The following PPM1H variants were observed in gnomAD, a reference collection of about 807,000 sequenced individuals.
PPM1H encodes the protein protein phosphatase 1H.
PPM1H carries 27 observed loss-of-function variants against 54.9 expected under a neutral mutation model. That is an observed-to-expected ratio of 0.49 (90% CI 0.36 to 0.68). The LOEUF is 0.68. Ranked by LOEUF, PPM1H falls within the 30% of genes least tolerant of loss-of-function variation. The pLI is 0.00. For synonymous variants in PPM1H, 305 were observed against 270.8 expected, an observed-to-expected ratio of 1.13 and a Z score of -1.24; for missense variants, 596 against 667.8, an observed-to-expected ratio of 0.89 and a Z score of 1.19.
rs1052482351 is a variant in PPM1H, at chr12:62,878,353, T to C, written c.246-46074A>G. On this transcript the variant is annotated intron_variant, in intron 1 of 9. Transcript: ENST00000228705. The stretch of plus-strand genomic sequence containing the variant: ...TGGCACACGATGGAGATGGAAAGAA[T>C]CTACCCAGGGCACTATCTGAGAAGA... Among the ~76,000 whole-genome samples the C allele has an allele frequency of 7.9e-5, 12 of 152,286 alleles. No homozygotes were observed. The East Asian group carries it at 2.3e-3, about 29-fold the overall frequency.
At chr12:62,792,501 C>A (rs537469801) in intron 3 of PPM1H, among the ~76,000 whole-genome samples, 1 of 152,216 alleles carries the variant, frequency 6.6e-6, no homozygotes, top group Non-Finnish European at 1.5e-5. Flanking sequence ...TTCCCTCCCC[C>A]ACATTTGTGT....
chr12:62,932,628 C>T (rs868593119), intron 1 of PPM1H, among the ~76,000 whole-genome samples: 296 of 53,998 alleles, frequency 5.5e-3, no homozygotes, highest in Middle Eastern at 0.036. Flanking sequence ...TCCAAATGGG[C>T]TTTTTTTTTT....
intron 2 of PPM1H, among the ~76,000 whole-genome samples, chr12:62,817,152 T>TAAAAAAAAAAAAAAAAAAAAAAAA (rs2076873724): frequency 7.9e-5 from 5 of 63,136 alleles, no homozygotes; most frequent in Admixed American, 1.8e-4. Flanking sequence ...AAAAAAAAAC[T>TAAAAAAAAAAAAAAAAAAAAAAAA]AAAAAAAAGA....
At chr12:62,654,700 C>G (rs186461315) in intron 9 of PPM1H, among the ~76,000 whole-genome samples, 1 of 152,206 alleles carries the variant, frequency 6.6e-6, no homozygotes, top group Non-Finnish European at 1.5e-5. Context: ...AACTGAGTTG[C>G]TGCAGACCTG....
At chr12:62,881,847 T>G (rs1357805144) in intron 1 of PPM1H, among the ~76,000 whole-genome samples, 1 of 152,114 alleles carries the variant, frequency 6.6e-6, no homozygotes, top group Non-Finnish European at 1.5e-5. Flanking sequence ...CCTACACTGG[T>G]CTCCCTGCCT....
At chr12:62,746,831 C>A (rs1438191482) in intron 4 of PPM1H, among the ~76,000 whole-genome samples, 1 of 152,218 alleles carries the variant, frequency 6.6e-6, no homozygotes, top group African/African-American at 2.4e-5. Flanking sequence ...TCACACCCCC[C>A]CACTTCTAAA....
At chr12:62,887,692 G>A (rs9943833) in intron 1 of PPM1H, among the ~76,000 whole-genome samples, 8,856 of 152,242 alleles carry the variant, frequency 0.058, 902 homozygotes, top group African/African-American at 0.2. Flanking sequence ...GGTATGCACA[G>A]GGAAGACAAG....
At chr12:62,776,472 T>G (rs1488661795) in intron 4 of PPM1H, among the ~76,000 whole-genome samples, 1 of 152,230 alleles carries the variant, frequency 6.6e-6, no homozygotes, top group East Asian at 1.9e-4. Context: ...AAGGCAGGGT[T>G]TTTTTGATCA....
At position 62,738,108 on chromosome 12, in the gene PPM1H, G is replaced by A. The variant is rs11834334; in HGVS notation, c.870-522C>T. On this transcript the variant is annotated intron_variant, in intron 4 of 9. Coordinates refer to ENST00000228705, the MANE Select transcript of PPM1H (RefSeq NM_020700.2). ...AATGAACTTAGCTTTAAATTTAAGCGGTCACATATGGCTAGTGTTGAATGT... is the reference window on the plus strand; with the variant it reads ...AATGAACTTAGCTTTAAATTTAAGCAGTCACATATGGCTAGTGTTGAATGT... 5.2e-3 allele frequency among the ~76,000 whole-genome samples: 788 copies of A among 152,208 alleles called. 5 individuals are homozygous for A. The highest frequency in any genetic ancestry group is 0.018 in the African/African-American group (739 of 41,530).
intron 2 of PPM1H, among the ~76,000 whole-genome samples, chr12:62,802,774 G>T (rs751746089): frequency 3.9e-5 from 6 of 151,990 alleles, no homozygotes; most frequent in Non-Finnish European, 5.9e-5. Flanking sequence ...AGTAGAGATG[G>T]GGTTTCACCA....
chr12:62,703,975 C>CGTGTGTGTGTGTGTGTGT (rs4026211), intron 6 of PPM1H, among the ~76,000 whole-genome samples: 45 of 146,662 alleles, frequency 3.1e-4, no homozygotes, highest in African/African-American at 1.1e-3. Flanking sequence ...AGAGAGAAAG[C>CGTGTGTGTGTGTGTGTGT]GTGTGTGTGT....
intron 6 of PPM1H, among the ~76,000 whole-genome samples, chr12:62,706,850 C>G (rs1343185700): frequency 6.6e-6 from 1 of 152,168 alleles, no homozygotes; most frequent in Non-Finnish European, 1.5e-5. Context: ...TTAAGCTCAT[C>G]TTCACATTCT....
At chr12:62,827,146 T>C (rs1364733836) in intron 2 of PPM1H, among the ~76,000 whole-genome samples, 2 of 152,198 alleles carry the variant, frequency 1.3e-5, no homozygotes, top group African/African-American at 2.4e-5. Flanking sequence ...TCTAATTTCC[T>C]ACAAAACACT....
intron 1 of PPM1H, among the ~76,000 whole-genome samples, chr12:62,906,024 T>A (rs1022252842): frequency 1.3e-5 from 2 of 152,184 alleles, no homozygotes; most frequent in African/African-American, 4.8e-5. Context: ...AAAATCTTAC[T>A]GCTGTAACAA....
chr12:62,803,607 TG>T (rs1268555396), intron 2 of PPM1H, among the ~76,000 whole-genome samples: 2 of 151,756 alleles, frequency 1.3e-5, no homozygotes, highest in African/African-American at 4.8e-5. Flanking sequence ...GAAAAAAACA[TG>T]GGGGAAAAAA....
chr12:62,869,406 T>C (rs575501744), intron 1 of PPM1H, among the ~76,000 whole-genome samples: 1 of 152,352 alleles, frequency 6.6e-6, no homozygotes, highest in Non-Finnish European at 1.5e-5. Context: ...GTAATATTAA[T>C]GGTACCATTT....
intron 4 of PPM1H, among the ~76,000 whole-genome samples, chr12:62,767,735 T>TCTGGAAGC (rs1189468694): frequency 6.6e-6 from 1 of 152,040 alleles, no homozygotes; most frequent in African/African-American, 2.4e-5. Context: ...AGTTCTGGAG[T>TCTGGAAGC]CTGGAAGCCT....
At chr12:62,688,876 G>T (rs567076202) in intron 8 of PPM1H, among the ~76,000 whole-genome samples, 29 of 152,172 alleles carry the variant, frequency 1.9e-4, no homozygotes, top group African/African-American at 6.0e-4. Flanking sequence ...TGTGCCTGTA[G>T]TCCCAGCTAC....
At chr12:62,813,638 A>C (rs1411129380) in intron 2 of PPM1H, among the ~76,000 whole-genome samples, 1 of 152,254 alleles carries the variant, frequency 6.6e-6, no homozygotes, top group Non-Finnish European at 1.5e-5. Context: ...AAATAAGAAC[A>C]TGTCAGAGCT....
Sources: gnomAD v4.1 joint callset for allele counts (sites outside exome capture counted in the v4.1 genomes callset) on GRCh38, gnomAD v4.1.1 for gene constraint, MANE v1.5 for transcripts, NCBI Gene and HGNC (gene_info 2026-07-23, HGNC 2026-07-21) for gene names.